The following DAB1 variants were observed in gnomAD, a reference collection of about 807,000 sequenced individuals.
DAB1 encodes DAB adaptor protein 1, also known as disabled homolog 1.
DAB1 carries 15 observed loss-of-function variants against 64.6 expected under a neutral mutation model. That is an observed-to-expected ratio of 0.23 (90% confidence interval 0.16 to 0.36). The LOEUF (loss-of-function observed/expected upper bound fraction) is 0.36. Among genes scored for constraint, DAB1 ranks in the 10% least tolerant of loss-of-function variants. The pLI, the probability that DAB1 is intolerant of heterozygous loss-of-function variation, is 1.00. For missense variants in DAB1, 596 were observed against 706.7 expected (o/e 0.84, Z 1.78); for synonymous variants, 235 against 251.9 (o/e 0.93, Z 0.64).
chr1:58,419,849 T>C (rs1187751147), intron 3 of DAB1, among the ~76,000 whole-genome samples: 1 of 152,160 alleles, frequency 6.6e-6, no homozygotes, highest in Admixed American at 6.5e-5. Context: ...AATTCTAAAG[T>C]TTCCAAGGTC....
intron 2 of DAB1, among the ~76,000 whole-genome samples, chr1:57,163,143 C>T (rs904060190): frequency 6.6e-6 from 1 of 152,348 alleles, no homozygotes; most frequent in East Asian, 1.9e-4. Flanking sequence ...GAAGCTCCCG[C>T]TCTCCTAGAG....
chr1:57,619,348 A>G (rs942336558), intron 7 of DAB1, among the ~76,000 whole-genome samples: 10 of 152,220 alleles, frequency 6.6e-5, no homozygotes, highest in African/African-American at 2.2e-4. Context: ...TGCTAGGAGC[A>G]TGATTTGCCT....
chr1:57,711,325 T>C (rs1346248751), intron 6 of DAB1, among the ~76,000 whole-genome samples: 1 of 152,248 alleles, frequency 6.6e-6, no homozygotes, highest in Non-Finnish European at 1.5e-5. Flanking sequence ...AGGATTTATC[T>C]CACTGCCATT....
At chr1:58,518,101 G>A (rs765356792) in intron 2 of DAB1, among the ~76,000 whole-genome samples, 2 of 150,554 alleles carry the variant, frequency 1.3e-5, no homozygotes, top group Admixed American at 6.6e-5. Context: ...CAGGAGAATC[G>A]CTTGAACACA....
At chr1:57,988,869 C>T (rs1301996879) in intron 5 of DAB1, among the ~76,000 whole-genome samples, 1 of 152,138 alleles carries the variant, frequency 6.6e-6, no homozygotes, top group Non-Finnish European at 1.5e-5. Context: ...TTGGCTTTTG[C>T]TGAGGGTAGC....
intron 5 of DAB1, among the ~76,000 whole-genome samples, chr1:57,973,848 T>C (rs376461762): frequency 1.3e-4 from 20 of 152,156 alleles, no homozygotes; most frequent in African/African-American, 4.6e-4. Flanking sequence ...TGCCTCCCTA[T>C]AGTGACTTCT....
intron 6 of DAB1, among the ~76,000 whole-genome samples, chr1:57,694,233 G>A (rs1022138895): frequency 6.6e-6 from 1 of 152,162 alleles, no homozygotes; most frequent in Non-Finnish European, 1.5e-5. Flanking sequence ...CATGGTTGCA[G>A]TACAGAAAAC....
chr1:57,339,172 T>C (rs958214650), intron 1 of DAB1, among the ~76,000 whole-genome samples: 3 of 151,528 alleles, frequency 2.0e-5, no homozygotes, highest in South Asian at 2.1e-4. Flanking sequence ...TTTTTTTTTT[T>C]CGAGACAGAG....
chr1:58,288,821 T>C (rs552370821), intron 4 of DAB1, among the ~76,000 whole-genome samples: 30 of 152,356 alleles, frequency 2.0e-4, no homozygotes, highest in African/African-American at 7.0e-4. Context: ...GCTTCTTTAT[T>C]TGGCTTGCTT....
At chr1:57,236,895 A>C (rs1668125227) in intron 2 of DAB1, among the ~76,000 whole-genome samples, 1 of 152,206 alleles carries the variant, frequency 6.6e-6, no homozygotes, top group East Asian at 1.9e-4. Flanking sequence ...TCGTGAGGGA[A>C]ATATTCTGTG....
intron 1 of DAB1, among the ~76,000 whole-genome samples, chr1:57,314,713 T>A (rs1339773086): frequency 1.4e-5 from 2 of 147,958 alleles, no homozygotes; most frequent in Non-Finnish European, 3.0e-5. Context: ...AGCTCAGGAG[T>A]CCCAGGCCAG....
intron 1 of DAB1, among the ~76,000 whole-genome samples, chr1:57,400,510 A>C (rs1455973785): frequency 6.6e-6 from 1 of 151,746 alleles, no homozygotes; most frequent in Non-Finnish European, 1.5e-5. Flanking sequence ...CCATGACACT[A>C]TATGAGGCAA....
intron 2 of DAB1, among the ~76,000 whole-genome samples, chr1:57,288,839 T>C (rs1672544236): frequency 6.6e-6 from 1 of 152,160 alleles, no homozygotes; most frequent in Admixed American, 6.6e-5. Context: ...ACAGCTAACC[T>C]TTGTTAAGCA....
At position 57,142,629 on chromosome 1, in the gene DAB1, CAT is replaced by C. The variant is rs10681004; in HGVS notation, c.207+2659_207+2660del. ...ACACACACACACACACACACACACA[CAT>C]ACACACACACACACACACGGTTGGC... On this transcript the variant is annotated intron_variant, in intron 3 of 14. Coordinates refer to ENST00000371236, the MANE Select transcript of DAB1 (RefSeq NM_001365792.1). Among the ~76,000 whole-genome samples, 162 of 139,952 alleles carry C rather than the reference CAT, an allele frequency of 1.2e-3. 3 individuals carry two copies. The East Asian group carries it at 0.012, about 11-fold the overall frequency. The allele number at this position is 139,952 out of a possible 152,430, so 91.8% of individuals were successfully genotyped here. A position where few individuals can be genotyped will look rare whatever the true frequency, so the allele number is the denominator to read the frequency against.
At chr1:58,173,934 G>A (rs1656316957) in intron 4 of DAB1, among the ~76,000 whole-genome samples, 2 of 152,158 alleles carry the variant, frequency 1.3e-5, no homozygotes, top group South Asian at 4.1e-4. Context: ...TACTGCTACA[G>A]GAACCAGAAT....
intron 7 of DAB1, among the ~76,000 whole-genome samples, chr1:57,526,988 C>G (rs570309326): frequency 1.4e-4 from 21 of 152,246 alleles, no homozygotes; most frequent in South Asian, 8.3e-4. Context: ...ATACTCACCT[C>G]AACCTTGTAA....
intron 4 of DAB1, among the ~76,000 whole-genome samples, chr1:57,126,301 G>T (rs529491187): frequency 2.0e-5 from 3 of 152,148 alleles, no homozygotes; most frequent in Non-Finnish European, 4.4e-5. Context: ...AAACCAATCA[G>T]TCATTGAAGC....
chr1:57,184,509 C>T (rs1663323432), intron 2 of DAB1, among the ~76,000 whole-genome samples: 1 of 152,154 alleles, frequency 6.6e-6, no homozygotes, highest in African/African-American at 2.4e-5. Flanking sequence ...GCCACAAATC[C>T]TTAACCTGGC....
At chr1:58,313,848 TGTGTGTGTGA>T (rs1436156697) in intron 4 of DAB1, among the ~76,000 whole-genome samples, 35 of 145,198 alleles carry the variant, frequency 2.4e-4, no homozygotes, top group Admixed American at 7.7e-4. Context: ...TGTGTGTGTG[TGTGTGTGTGA>T]GAGAGAGAGA....
Sources: gnomAD v4.1 joint callset for allele counts (sites outside exome capture counted in the v4.1 genomes callset) on GRCh38, gnomAD v4.1.1 for gene constraint, MANE v1.5 for transcripts, NCBI Gene and HGNC (gene_info 2026-07-23, HGNC 2026-07-21) for gene names.